MAP2K4: variants seen among roughly 807,000 people sequenced by gnomAD.
MAP2K4 encodes the protein dual specificity mitogen-activated protein kinase kinase 4.
Under a neutral mutation model 48.5 loss-of-function variants are expected in MAP2K4, and 4 were observed. That is an observed-to-expected ratio of 0.08 (90% CI 0.04 to 0.19). The LOEUF (loss-of-function observed/expected upper bound fraction) is 0.19. Ranked by LOEUF, MAP2K4 falls within the 10% of genes least tolerant of loss-of-function variation. The pLI is 1.00. For synonymous variants in MAP2K4, 166 were observed against 173.1 expected, an observed-to-expected ratio of 0.96 and a Z score of 0.32; for missense variants, 258 against 493.3, an observed-to-expected ratio of 0.52 and a Z score of 4.52.
chr17:12,030,569 A>G (rs1394596361), intron 1 of MAP2K4, among the ~76,000 whole-genome samples: 1 of 152,184 alleles, frequency 6.6e-6, no homozygotes, highest in Admixed American at 6.5e-5. Flanking sequence ...TGTTAGAGCA[A>G]TCATTGGCGA....
At position 12,143,042 on chromosome 17, in the gene MAP2K4, C is replaced by G; in HGVS notation, c.*1782C>G. Reference sequence around the variant, plus strand: ...AATTGCAGAATTCAAAAGTGATTATCTCTTTGATCTACTTGCCTCATTTCC... The same window carrying G: ...AATTGCAGAATTCAAAAGTGATTATGTCTTTGATCTACTTGCCTCATTTCC... On this transcript the variant is annotated 3_prime_UTR_variant, in exon 11 of 11. Transcript: ENST00000353533. 4.3e-6 allele frequency: 1 copy of G among 233,032 alleles called. No individual in the cohort carries two copies. The highest frequency in any genetic ancestry group is 8.5e-6 in the Non-Finnish European group (1 of 117,884). The allele number at this position is 233,032 out of a possible 1,614,324, so 14.4% of individuals were successfully genotyped here.
chr17:12,098,071 A>G (rs1003796384), intron 4 of MAP2K4, among the ~76,000 whole-genome samples: 2 of 152,244 alleles, frequency 1.3e-5, no homozygotes, highest in Non-Finnish European at 2.9e-5. Context: ...ATAAAAATAT[A>G]GTTTTTCAAT....
intron 1 of MAP2K4, chr17:12,021,558 G>C (rs1257304927): frequency 1.4e-5 from 2 of 146,748 alleles, no homozygotes; most frequent in Non-Finnish European, 3.0e-5. Flanking sequence ...GGCTACGGGG[G>C]CCTCTTGGAA....
At chr17:12,108,158 G>GCTT (rs1251105814) in intron 5 of MAP2K4, among the ~76,000 whole-genome samples, 2 of 152,060 alleles carry the variant, frequency 1.3e-5, no homozygotes, top group Non-Finnish European at 2.9e-5. Context: ...TGTAAATAAA[G>GCTT]CTAGGAAAAG....
chr17:12,090,616 T>G (rs1166178110), intron 3 of MAP2K4, among the ~76,000 whole-genome samples: 1 of 152,128 alleles, frequency 6.6e-6, no homozygotes, highest in African/African-American at 2.4e-5. Context: ...TTAATAGCAA[T>G]CACTTCATCA....
intron 7 of MAP2K4, among the ~76,000 whole-genome samples, chr17:12,120,044 A>T (rs150053712): frequency 1.3e-5 from 2 of 152,204 alleles, no homozygotes; most frequent in Admixed American, 1.3e-4. Context: ...AAAAATAACT[A>T]TTGGGTACTA....
chr17:12,058,832 C>T (rs1970364442), intron 2 of MAP2K4, among the ~76,000 whole-genome samples: 2 of 152,098 alleles, frequency 1.3e-5, no homozygotes, highest in Admixed American at 1.3e-4. Context: ...CAGATGACCT[C>T]ATTAGTTTTT....
At chr17:12,070,517 A>C (rs1182445804) in intron 2 of MAP2K4, among the ~76,000 whole-genome samples, 3 of 152,238 alleles carry the variant, frequency 2.0e-5, no homozygotes, top group Admixed American at 6.5e-5. Flanking sequence ...GGATTTGGGC[A>C]GATAATTGAA....
At chr17:12,039,584 T>C (rs865878329) in intron 1 of MAP2K4, among the ~76,000 whole-genome samples, 1 of 152,220 alleles carries the variant, frequency 6.6e-6, no homozygotes, top group African/African-American at 2.4e-5. Context: ...ACATGTCTTC[T>C]AAGTGATAAG....
chr17:12,023,155 G>A (rs1969144587), intron 1 of MAP2K4, among the ~76,000 whole-genome samples: 1 of 152,108 alleles, frequency 6.6e-6, no homozygotes, highest in African/African-American at 2.4e-5. Context: ...TCAGGAATGT[G>A]TTATATCTTG....
chr17:12,131,231 T>A (rs1049143369), intron 9 of MAP2K4, among the ~76,000 whole-genome samples: 2 of 108,278 alleles, frequency 1.8e-5, no homozygotes, highest in South Asian at 2.9e-4. Flanking sequence ...TCTGGTCACA[T>A]TTCTTTTTTT....
chr17:12,083,474 G>A (rs1971257591), intron 3 of MAP2K4, among the ~76,000 whole-genome samples: 1 of 152,198 alleles, frequency 6.6e-6, no homozygotes, highest in South Asian at 2.1e-4. Context: ...GCTGTCACAT[G>A]TATACCCACC....
intron 1 of MAP2K4, among the ~76,000 whole-genome samples, chr17:12,052,082 G>A (rs1970159894): frequency 6.6e-6 from 1 of 152,128 alleles, no homozygotes; most frequent in South Asian, 2.1e-4. Context: ...ATCTTAAACT[G>A]ATCAGCATTT....
At chr17:12,092,693 T>C (rs920110920) in intron 3 of MAP2K4, among the ~76,000 whole-genome samples, 4 of 152,202 alleles carry the variant, frequency 2.6e-5, no homozygotes, top group Non-Finnish European at 5.9e-5. Context: ...TCCTCACATA[T>C]GATAAATGTT....
intron 3 of MAP2K4, among the ~76,000 whole-genome samples, chr17:12,088,449 T>TATTAAATATTAAATAA (rs1379070284): frequency 4.3e-5 from 6 of 140,060 alleles, no homozygotes; most frequent in Admixed American, 2.3e-4. Context: ...ATATAATATA[T>TATTAAATATTAAATAA]ATTAAATATT....
At chr17:12,040,748 C>T (rs535094443) in intron 1 of MAP2K4, among the ~76,000 whole-genome samples, 1 of 152,314 alleles carries the variant, frequency 6.6e-6, no homozygotes, top group African/African-American at 2.4e-5. Context: ...TAAGAGTTCT[C>T]ATCCAAGATT....
chr17:12,028,131 C>T (rs769019368), intron 1 of MAP2K4, among the ~76,000 whole-genome samples: 5 of 152,106 alleles, frequency 3.3e-5, no homozygotes, highest in Non-Finnish European at 7.4e-5. Context: ...CCCGAAGGAA[C>T]ATAATTGTAA....
intron 1 of MAP2K4, among the ~76,000 whole-genome samples, chr17:12,024,925 C>G (rs1969209056): frequency 6.6e-6 from 1 of 152,010 alleles, no homozygotes; most frequent in Admixed American, 6.6e-5. Flanking sequence ...CCCGTTATAC[C>G]AGGTAATTAA....
At chr17:12,077,630 C>G (rs141583976) in intron 2 of MAP2K4, among the ~76,000 whole-genome samples, 1 of 152,176 alleles carries the variant, frequency 6.6e-6, no homozygotes, top group East Asian at 1.9e-4. Flanking sequence ...TTCCAGGCAA[C>G]AAGAAGGAGG....
Sources: gnomAD v4.1 joint callset for allele counts (sites outside exome capture counted in the v4.1 genomes callset) on GRCh38, gnomAD v4.1.1 for gene constraint, MANE v1.5 for transcripts, NCBI Gene and HGNC (gene_info 2026-07-23, HGNC 2026-07-21) for gene names.